Variants in PCDHGA2 observed in about 807,000 individuals in gnomAD.
The protein encoded by PCDHGA2 is protocadherin gamma subfamily A, 2.
In PCDHGA2, 40 loss-of-function variants were observed where a neutral mutation model predicts 59.2. The ratio of observed to expected loss-of-function variants is 0.68; its 90% CI spans 0.52 to 0.88. The LOEUF (loss-of-function observed/expected upper bound fraction) is 0.88, where lower values mean the gene tolerates loss of function less well. Ranked by LOEUF, PCDHGA2 falls within the 40% of genes least tolerant of loss-of-function variation. The probability of loss-of-function intolerance (pLI) is 0.00; values close to 1 mark genes in which losing one functional copy is unlikely to be tolerated. For synonymous variants in PCDHGA2, 560 were observed against 526.0 expected, an observed-to-expected ratio of 1.06 and a Z score of -0.89; for missense variants, 1,226 against 1,204.0, an observed-to-expected ratio of 1.02 and a Z score of -0.27.
chr5:141,375,865 G>A (rs1588782771), intron 1 of PCDHGA2: 1 of 1,613,976 alleles, frequency 6.2e-7, no homozygotes, highest in Non-Finnish European at 8.5e-7. Context: ...TGGTGGCGGT[G>A]GACAGAGACT....
At chr5:141,383,188 G>T (rs762386846) in intron 1 of PCDHGA2, 26 of 1,614,064 alleles carry the variant, frequency 1.6e-5, no homozygotes, top group Non-Finnish European at 2.1e-5. Context: ...AGAGATCTGC[G>T]CTCAGAGTGC....
intron 1 of PCDHGA2, chr5:141,371,563 TC>T: frequency 6.2e-7 from 1 of 1,613,806 alleles, no homozygotes; most frequent in Non-Finnish European, 8.5e-7. Context: ...AAAGGAAACT[TC>T]CCCTTTAAAA....
intron 1 of PCDHGA2, chr5:141,344,288 C>T: frequency 6.2e-7 from 1 of 1,614,078 alleles, no homozygotes; most frequent in Non-Finnish European, 8.5e-7. Context: ...GCAGCTTGGT[C>T]ACCGCGGAGA....
chr5:141,364,729 C>A, intron 1 of PCDHGA2: 2 of 1,613,898 alleles, frequency 1.2e-6, no homozygotes, highest in Non-Finnish European at 1.7e-6. Flanking sequence ...TCCCGCGTTT[C>A]CGGGATGAAG....
At chr5:141,497,214 G>C (rs929868102) in intron 2 of PCDHGA2, among the ~76,000 whole-genome samples, 2 of 152,138 alleles carry the variant, frequency 1.3e-5, no homozygotes, top group African/African-American at 4.8e-5. Flanking sequence ...TGTAATGGGG[G>C]GGGGAAGATC....
rs1205836590 is a variant in PCDHGA2 at position 141,476,270 on chromosome 5, G to A, written c.2425-18537G>A. The A allele has an allele frequency of 6.2e-7, 1 of 1,614,088 alleles. No individual in the cohort carries two copies. Among genetic ancestry groups the A allele is most frequent in the Admixed American group, 1.7e-5 (1 of 60,026 alleles). Reference sequence around the variant, plus strand: ...GGGTTTCGCTGTGGGCAACGTGGTCGCGAACCTTGGTTTGGATCTCGGTAG... The same window carrying A: ...GGGTTTCGCTGTGGGCAACGTGGTCACGAACCTTGGTTTGGATCTCGGTAG... On this transcript the variant is annotated intron_variant, in intron 1 of 3. Transcript: ENST00000394576. The surrounding 1 kb of genome is among the most constrained non-coding windows in gnomAD (Gnocchi z 7.6).
intron 1 of PCDHGA2, chr5:141,424,576 C>CA (rs2096829154): frequency 6.6e-6 from 1 of 152,132 alleles, no homozygotes; most frequent in African/African-American, 2.4e-5. Context: ...AACCTATTTT[C>CA]AAATGTGCTA....
At chr5:141,403,594 C>A in intron 1 of PCDHGA2, 2 of 1,613,848 alleles carry the variant, frequency 1.2e-6, no homozygotes, top group Non-Finnish European at 1.7e-6. Context: ...TCCTCACGGC[C>A]TCGGATGGCG....
chr5:141,460,592 G>C (rs796171299), intron 1 of PCDHGA2, among the ~76,000 whole-genome samples: 12 of 151,976 alleles, frequency 7.9e-5, no homozygotes, highest in African/African-American at 2.9e-4. Flanking sequence ...GTTTTTTCTG[G>C]GCTCTCTGTG....
rs70988800 is a variant in PCDHGA2 at position 141,379,889 on chromosome 5, C to CTTTTTTTTTTTTTT, written c.2424+38511_2424+38524dup. ...CTTATTTTATGGTCTGTGAAAGCCT[C>CTTTTTTTTTTTTTT]TTTTTTTTTTTTTTTTTTTTTTTTT... On this transcript the variant is annotated intron_variant, in intron 1 of 3. Coordinates refer to ENST00000394576, the MANE Select transcript of PCDHGA2 (RefSeq NM_018915.4). Among the ~76,000 whole-genome samples, 79 of 50,828 alleles carry CTTTTTTTTTTTTTT rather than the reference C, an allele frequency of 1.6e-3. 14 individuals carry two copies. The highest frequency in any genetic ancestry group is 2.7e-3 in the African/African-American group (40 of 15,084). 33.3% of individuals were successfully genotyped at this position (50,828 alleles called of 152,430 possible).
intron 1 of PCDHGA2, among the ~76,000 whole-genome samples, chr5:141,349,740 T>G (rs1013664478): frequency 2.6e-5 from 4 of 152,172 alleles, no homozygotes; most frequent in Non-Finnish European, 5.9e-5. Flanking sequence ...ATTCACTTAT[T>G]TGGATACAGC....
rs757386666 is a variant in PCDHGA2 at position 141,340,642 on chromosome 5, C to T, written c.1671C>T (p.Asp557=). The T allele has an allele frequency of 1.9e-6, 3 of 1,614,242 alleles. No individual in the cohort carries two copies. Among genetic ancestry groups the T allele is most frequent in the Admixed American group, 1.7e-5 (1 of 60,026 alleles). The change falls in exon 1 of 4, where the codon GAC becomes GAT. Residue 557 remains aspartate, a synonymous_variant. Transcript: ENST00000394576. ...GCCTGTTCGTGCTGGACCAGAACGA[C>T]AACGCGCCCGAGATCCTGTACCCTG... The part of the protein sequence containing the change: ...SLSLFVLDQN[D]NAPEILYPAF...
At chr5:141,495,571 C>T (rs1031548699) in intron 2 of PCDHGA2, among the ~76,000 whole-genome samples, 1 of 152,198 alleles carries the variant, frequency 6.6e-6, no homozygotes, top group African/African-American at 2.4e-5. Flanking sequence ...TCTGCCTCTC[C>T]CTCTCTTCTC....
At chr5:141,458,075 A>G (rs1301404730) in intron 1 of PCDHGA2, among the ~76,000 whole-genome samples, 2 of 152,234 alleles carry the variant, frequency 1.3e-5, no homozygotes, top group Non-Finnish European at 2.9e-5. Flanking sequence ...GAACAACTAT[A>G]TTGCCGTAAG....
At chr5:141,495,010 G>T (rs1327870362) in intron 2 of PCDHGA2, 145 bp downstream of exon 2, 1 of 1,516,970 alleles carries the variant, frequency 6.6e-7, no homozygotes, top group Non-Finnish European at 8.9e-7. Flanking sequence ...GTGTGCGGGG[G>T]GCTGGCACAC....
chr5:141,505,335 A>G, intron 2 of PCDHGA2, 58 bp from the exon 3 acceptor site: 1 of 1,611,086 alleles, frequency 6.2e-7, no homozygotes, highest in Non-Finnish European at 8.5e-7. Flanking sequence ...AGAGGACAGG[A>G]GGGGCATGAG....
In PCDHGA2 at chr5:141,432,770, G is replaced by A. The variant is rs930442281; in HGVS notation, c.2425-62037G>A. The A allele has an allele frequency of 6.2e-7, 1 of 1,614,128 alleles. No individual in the cohort carries two copies. On this transcript the variant is annotated intron_variant, in intron 1 of 3. Coordinates refer to ENST00000394576, the MANE Select transcript of PCDHGA2 (RefSeq NM_018915.4). This position sits in a 1 kb window ranked among gnomAD's most constrained non-coding sequence, Gnocchi z 6.0. ...GGCCGTGGCCGACAGCATCCCCCAAGTCCTGGCGGACCTCGGCAGCCTCGA... is the reference window on the plus strand; with the variant it reads ...GGCCGTGGCCGACAGCATCCCCCAAATCCTGGCGGACCTCGGCAGCCTCGA...
At chr5:141,492,242 C>G (rs2099738685) in intron 1 of PCDHGA2, among the ~76,000 whole-genome samples, 1 of 152,190 alleles carries the variant, frequency 6.6e-6, no homozygotes, top group Admixed American at 6.5e-5. Flanking sequence ...GCTGGCCACC[C>G]CCACGGCCCA....
intron 1 of PCDHGA2, chr5:141,400,209 G>C: frequency 3.1e-6 from 5 of 1,614,052 alleles, no homozygotes; most frequent in Non-Finnish European, 4.2e-6. Context: ...CCTTGGCCTT[G>C]ATCTCAGTGC....
Sources: allele counts gnomAD v4.1 joint callset (sites outside exome capture counted in the v4.1 genomes callset), GRCh38; gene constraint gnomAD v4.1.1; non-coding constraint Gnocchi (gnomAD v3.1); transcripts MANE v1.5; gene names NCBI Gene and HGNC (gene_info 2026-07-23, HGNC 2026-07-21).